Variants in ABCA12 observed in about 807,000 individuals in gnomAD.
ABCA12 encodes ATP binding cassette subfamily A member 12, also known as glucosylceramide transporter ABCA12.
In ABCA12, 156 loss-of-function variants were observed where a neutral mutation model predicts 293.5. That is an observed-to-expected ratio of 0.53 (90% confidence interval 0.47 to 0.61). The LOEUF is 0.61. Ranked by LOEUF, ABCA12 falls within the 20% of genes least tolerant of loss-of-function variation. The probability of loss-of-function intolerance (pLI) is 0.00; values close to 1 mark genes in which losing one functional copy is unlikely to be tolerated. For missense variants in ABCA12, 2,797 were observed against 3,090.2 expected (o/e 0.91, Z 2.25); for synonymous variants, 1,063 against 1,108.0 (o/e 0.96, Z 0.81).
At chr2:215,011,928 G>C (rs755172288) in intron 16 of ABCA12, 43 bp downstream of exon 16, 20 of 1,587,180 alleles carry the variant, frequency 1.3e-5, no homozygotes, top group Admixed American at 3.4e-5. Context: ...CAATATGACA[G>C]AAGGCATTTT....
At chr2:214,956,505 G>T (rs1476926002) in intron 42 of ABCA12, among the ~76,000 whole-genome samples, 158 bp downstream of exon 42, 1 of 152,058 alleles carries the variant, frequency 6.6e-6, no homozygotes, top group Admixed American at 6.6e-5. Context: ...ATACTTTGCA[G>T]TCTATGGACT....
chr2:215,037,636 C>G (rs1208796797), intron 7 of ABCA12, among the ~76,000 whole-genome samples: 6 of 152,070 alleles, frequency 3.9e-5, no homozygotes, highest in Non-Finnish European at 5.9e-5. Context: ...AAATTAATAT[C>G]CATACTCTGT....
chr2:214,947,603 C>CTT (rs1559107211), intron 47 of ABCA12, 47 bp from the exon 48 acceptor site: 10 of 1,607,914 alleles, frequency 6.2e-6, no homozygotes, highest in Non-Finnish European at 8.5e-6. Context: ...TGTGCCAAAA[C>CTT]CCTTAAAGCA....
chr2:214,946,345 A>G (rs1698581881), intron 48 of ABCA12, among the ~76,000 whole-genome samples: 1 of 152,112 alleles, frequency 6.6e-6, no homozygotes, highest in Admixed American at 6.6e-5. Flanking sequence ...ATAGAAGAAA[A>G]CTTGGTATCT....
rs1559154305 is a variant in ABCA12 at position 215,026,885 on chromosome 2, C to G, written c.1115G>C (p.Ser372Thr). The change falls in exon 10 of 53, where the codon AGT becomes ACT. Residue 372 changes from serine (S) to threonine (T), a missense_variant. Physicochemically the swap from Ser to Thr is moderately conservative, Grantham distance 58. Around this residue, in one of 3 missense-constraint regions of ABCA12, gnomAD observed 656 missense variants for 638.2 expected, o/e 1.03. Transcript: ENST00000272895. ...EDALLNISANSPYIPYLACVR... is the reference protein window; with the variant it reads ...EDALLNISANTPYIPYLACVR... ...ACATGCCAAGTAAGGAATATAAGGA[C>G]TATTTGCTGATATATTTAAGAGGGC... 6.2e-7 allele frequency: 1 copy of G among 1,613,626 alleles called. No individual in the cohort carries two copies. The highest frequency in any genetic ancestry group is 8.5e-7 in the Non-Finnish European group (1 of 1,179,600).
intron 13 of ABCA12, among the ~76,000 whole-genome samples, 172 bp downstream of exon 13, chr2:215,019,164 G>A (rs891068144): frequency 1.3e-5 from 2 of 152,202 alleles, no homozygotes; most frequent in Non-Finnish European, 2.9e-5. Context: ...CTAGCTTTCT[G>A]TGTGTTTACT....
At chr2:214,997,861 C>T in intron 22 of ABCA12, 52 bp from the exon 23 acceptor site, 1 of 1,043,048 alleles carries the variant, frequency 9.6e-7, no homozygotes, top group South Asian at 1.3e-5. Context: ...GAACACCATA[C>T]TTGCAGAGAT....
At chr2:215,077,283 C>T (rs578092733) in intron 2 of ABCA12, among the ~76,000 whole-genome samples, 13 of 152,260 alleles carry the variant, frequency 8.5e-5, no homozygotes, top group African/African-American at 2.9e-4. Flanking sequence ...GAATTGCATT[C>T]GGCCATAACT....
chr2:215,111,789 A>G, intron 1 of ABCA12, 99 bp from the exon 2 acceptor site: 1 of 854,686 alleles, frequency 1.2e-6, no homozygotes, highest in East Asian at 2.5e-5. Context: ...ATATTTCAAC[A>G]CAAGCTGAAT....
At chr2:215,042,473 C>T (rs1701119147) in intron 7 of ABCA12, 1 of 152,094 alleles carries the variant, frequency 6.6e-6, no homozygotes, top group Non-Finnish European at 1.5e-5. Context: ...TCTTGAACTC[C>T]TGGACTCAAG....
chr2:215,107,941 T>C (rs1157797200), intron 2 of ABCA12, among the ~76,000 whole-genome samples: 2 of 152,218 alleles, frequency 1.3e-5, no homozygotes, highest in Non-Finnish European at 2.9e-5. Flanking sequence ...AGGTGTGTTC[T>C]GGCCTTGCTC....
At chr2:215,085,566 T>A (rs1702023749) in intron 2 of ABCA12, 1 of 152,244 alleles carries the variant, frequency 6.6e-6, no homozygotes, top group Non-Finnish European at 1.5e-5. Context: ...CTCAATTTTA[T>A]AATGGGATTT....
chr2:214,954,683 T>G (rs1322655904), intron 43 of ABCA12, among the ~76,000 whole-genome samples: 1 of 152,232 alleles, frequency 6.6e-6, no homozygotes, highest in Non-Finnish European at 1.5e-5. Flanking sequence ...TATTCTTTTC[T>G]GTTCAATTGC....
rs187069394 is a variant in ABCA12, at chr2:214,939,277, G to T, written c.7437-1662C>A. 4.6e-5 allele frequency among the ~76,000 whole-genome samples: 7 copies of T among 152,212 alleles called. No homozygotes were observed. In the East Asian group the frequency reaches 1.4e-3, roughly 29 times the overall value. ...TGTCAAAGATCAGATGGTTGTAGAT[G>T]TGTGGCATTATTTCTGAGGCCTCTG... On this transcript the variant is annotated intron_variant, in intron 50 of 52. Coordinates refer to ENST00000272895, the MANE Select transcript of ABCA12 (RefSeq NM_173076.3).
In ABCA12 at chr2:214,974,814, G is replaced by A. The variant is rs374012400; in HGVS notation, c.5432C>T (p.Pro1811Leu). The A allele has an allele frequency of 6.2e-7, 1 of 1,614,048 alleles. No individual in the cohort carries two copies. The highest frequency in any genetic ancestry group is 8.5e-7 in the Non-Finnish European group (1 of 1,179,970). Residue 1811 changes from proline to leucine, a missense_variant, in exon 35 of 53, where the codon CCT becomes CTT. This residue lies in a region of ABCA12 where 2,130 missense variants were observed against 2,427.0 expected (regional missense o/e 0.88). Coordinates refer to ENST00000272895, the MANE Select transcript of ABCA12 (RefSeq NM_173076.3). ...EALVSAMWDF[P>L]GIDNMCLNTS... ...GTTCAGACACATGTTGTCAATTCCA[G>A]GGAAGTCCCACATTGCTGAGACAAG...
chr2:214,950,374 A>G (rs4673921), intron 45 of ABCA12, among the ~76,000 whole-genome samples: 8 of 78,076 alleles, frequency 1.0e-4, no homozygotes, highest in East Asian at 6.5e-4. Context: ...ATGTGTGTGT[A>G]TATATATATC....
intron 6 of ABCA12, among the ~76,000 whole-genome samples, chr2:215,046,614 T>A (rs1701208061): frequency 6.6e-6 from 1 of 151,024 alleles, no homozygotes; most frequent in South Asian, 2.1e-4. Flanking sequence ...TTTTACCACA[T>A]GTTCTATTCT....
Position 214,954,054 on chromosome 2 carries a change from T to C in ABCA12, c.6447A>G (p.Gln2149=), listed in dbSNP as rs147074166. The C allele has an allele frequency of 3.5e-5, 57 of 1,614,006 alleles. No homozygotes were observed. Among genetic ancestry groups the C allele is most frequent in the East Asian group, 6.7e-5 (3 of 44,848 alleles). Residue 2149 remains glutamine (Q), a synonymous_variant, in exon 44 of 53, where the codon CAA becomes CAG. Coordinates refer to ENST00000272895, the MANE Select transcript of ABCA12 (RefSeq NM_173076.3). The part of the protein sequence containing the change: ...TLKRIFLIFP[Q]FCFGYGLIEL... ...CAATCAAACCGTAGCCAAAACAGAATTGTGGGAAAATCAGGAAAATGCGCT... is the reference window on the plus strand; with the variant it reads ...CAATCAAACCGTAGCCAAAACAGAACTGTGGGAAAATCAGGAAAATGCGCT...
chr2:215,124,699 T>A (rs1479508121), intron 1 of ABCA12, among the ~76,000 whole-genome samples: 1 of 152,206 alleles, frequency 6.6e-6, no homozygotes, highest in Admixed American at 6.5e-5. Context: ...AGATTCTGGA[T>A]ATTAGTACTT....
Sources: gnomAD v4.1 joint callset for allele counts (sites outside exome capture counted in the v4.1 genomes callset) on GRCh38, gnomAD v4.1.1 for gene constraint, gnomAD v4.1.1 regional missense constraint, MANE v1.5 for transcripts, NCBI Gene and HGNC (gene_info 2026-07-23, HGNC 2026-07-21) for gene names.